BORCS5: variants seen among roughly 807,000 people sequenced by gnomAD.
BORCS5 encodes the protein BLOC-1-related complex subunit 5.
BORCS5 carries 17 observed loss-of-function variants against 22.1 expected under a neutral mutation model. That is an observed-to-expected ratio of 0.77 (90% CI 0.53 to 1.15). The LOEUF (loss-of-function observed/expected upper bound fraction) is 1.15. Among genes scored for constraint, BORCS5 ranks in the 50% most tolerant of loss-of-function variants. The pLI, the probability that BORCS5 is intolerant of heterozygous loss-of-function variation, is 0.00. For missense variants in BORCS5, 247 were observed against 253.2 expected (o/e 0.98, Z 0.17); for synonymous variants, 117 against 99.8 (o/e 1.17, Z -1.03).
chr12:12,404,915 G>C (rs557279430), intron 2 of BORCS5, among the ~76,000 whole-genome samples: 11 of 152,064 alleles, frequency 7.2e-5, no homozygotes, highest in Non-Finnish European at 1.5e-4. Context: ...TGGCCAGGCT[G>C]GTCTCAAACT....
chr12:12,365,971 A>C (rs942244073), intron 2 of BORCS5, among the ~76,000 whole-genome samples: 3 of 152,164 alleles, frequency 2.0e-5, no homozygotes, highest in African/African-American at 7.2e-5. Flanking sequence ...TTGGGTTTTG[A>C]GGTGCAGCAT....
In BORCS5 at chr12:12,430,276, G is replaced by A. The variant is rs113542768; in HGVS notation, c.203-5352G>A. On this transcript the variant is annotated intron_variant, in intron 2 of 3. Coordinates refer to ENST00000314565, the MANE Select transcript of BORCS5 (RefSeq NM_058169.6). ...CGCCATTCTCCTGCCTCAGCCTCCCGAGTAGCTGGGACTACAGGCGCCTGC... is the reference window on the plus strand; with the variant it reads ...CGCCATTCTCCTGCCTCAGCCTCCCAAGTAGCTGGGACTACAGGCGCCTGC... Among the ~76,000 whole-genome samples the A allele has an allele frequency of 8.1e-3, 1,208 of 149,702 alleles. 16 individuals are homozygous for A. Among genetic ancestry groups the A allele is most frequent in the African/African-American group, 0.027 (1,088 of 40,590 alleles).
chr12:12,365,066 T>G (rs1038702911), intron 2 of BORCS5, among the ~76,000 whole-genome samples: 1 of 152,258 alleles, frequency 6.6e-6, no homozygotes, highest in Non-Finnish European at 1.5e-5. Context: ...AAATGAGTTT[T>G]AACTGGGACT....
intron 2 of BORCS5, among the ~76,000 whole-genome samples, chr12:12,432,666 A>G (rs578191933): frequency 3.3e-5 from 5 of 152,350 alleles, no homozygotes; most frequent in African/African-American, 1.2e-4. Flanking sequence ...TCTGATACAT[A>G]TATACCATGG....
intron 2 of BORCS5, among the ~76,000 whole-genome samples, chr12:12,393,525 T>G (rs1304943046): frequency 6.6e-6 from 1 of 151,534 alleles, no homozygotes; most frequent in Admixed American, 6.6e-5. Context: ...AGTGTTTTTG[T>G]TTTTTGTTTT....
rs780351883 is a variant in BORCS5, at chr12:12,464,497, G to A, written c.361-1049G>A. 1.1e-4 allele frequency among the ~76,000 whole-genome samples: 17 copies of A among 152,278 alleles called. 1 individual carries two copies. The highest frequency in any genetic ancestry group is 3.1e-4 in the African/African-American group (13 of 41,544). The stretch of plus-strand genomic sequence containing the variant: ...TCCTGATGCAAGGTCGGGAAGGGGC[G>A]TGCTCCAGGAATAAACCAGAAGGAA... On this transcript the variant is annotated intron_variant, in intron 3 of 3. Transcript: ENST00000314565.
intron 3 of BORCS5, among the ~76,000 whole-genome samples, chr12:12,458,037 A>AT (rs1318720816): frequency 6.6e-6 from 1 of 152,102 alleles, no homozygotes; most frequent in African/African-American, 2.4e-5. Context: ...ACTGAACAGA[A>AT]TTTTTTTCTT....
chr12:12,456,353 C>A lies in BORCS5; in HGVS notation c.361-9193C>A, dbSNP rs572254974. On this transcript the variant is annotated intron_variant, in intron 3 of 3. Coordinates refer to ENST00000314565, the MANE Select transcript of BORCS5 (RefSeq NM_058169.6). Reference sequence around the variant, plus strand: ...AGCTGAGATGGGAGGATTGCTCGGACCCAGGAGTTCAAGGCTCCCGTGAGC... The same window carrying A: ...AGCTGAGATGGGAGGATTGCTCGGAACCAGGAGTTCAAGGCTCCCGTGAGC... 6.6e-5 allele frequency among the ~76,000 whole-genome samples: 10 copies of A among 152,290 alleles called. 1 individual carries two copies. In the South Asian group the frequency reaches 2.1e-3, roughly 32 times the overall value.
Position 12,367,496 on chromosome 12 carries a change from T to C in BORCS5, c.202+6147T>C, listed in dbSNP as rs146146500. ...ATTGATGACTTATTCCTGATTACTT[T>C]ATGGGTTTGTATTTGTAATAGCTCT... On this transcript the variant is annotated intron_variant, in intron 2 of 3. Transcript: ENST00000314565. Among the ~76,000 whole-genome samples, 9 of 152,366 alleles carry C rather than the reference T, an allele frequency of 5.9e-5. No homozygotes were observed. The East Asian group carries it at 9.6e-4, about 16-fold the overall frequency.
intron 1 of BORCS5, 51 bp from the exon 2 acceptor site, chr12:12,361,155 A>T: frequency 6.4e-7 from 1 of 1,561,136 alleles, no homozygotes; most frequent in Non-Finnish European, 8.8e-7. Flanking sequence ...TGCTTTGGTG[A>T]GGCAGAGATG....
At chr12:12,402,161 G>T (rs114564865) in intron 2 of BORCS5, among the ~76,000 whole-genome samples, 2,056 of 152,120 alleles carry the variant, frequency 0.014, 43 homozygotes, top group African/African-American at 0.046. Flanking sequence ...GGACATTTTG[G>T]GTATTAAAAT....
At chr12:12,424,839 A>G (rs1025159564) in intron 2 of BORCS5, among the ~76,000 whole-genome samples, 11 of 152,156 alleles carry the variant, frequency 7.2e-5, no homozygotes, top group Admixed American at 5.9e-4. Flanking sequence ...AATTTCCCCT[A>G]TATATGTGGT....
chr12:12,431,403 CTTTTTTTT>C (rs386375632), intron 2 of BORCS5, among the ~76,000 whole-genome samples: 1 of 121,098 alleles, frequency 8.3e-6, no homozygotes, highest in Non-Finnish European at 1.6e-5. Context: ...TTTGCTAATT[CTTTTTTTT>C]TTTTTTTTTT....
At chr12:12,428,020 GT>G (rs34884099) in intron 2 of BORCS5, among the ~76,000 whole-genome samples, 1,862 of 152,274 alleles carry the variant, frequency 0.012, 18 homozygotes, top group South Asian at 0.023. Flanking sequence ...AGAATCTGTT[GT>G]TTAATTATAC....
intron 2 of BORCS5, among the ~76,000 whole-genome samples, chr12:12,382,834 G>A (rs1863803728): frequency 6.6e-6 from 1 of 150,948 alleles, no homozygotes; most frequent in South Asian, 2.1e-4. Flanking sequence ...TGCCCAGTGG[G>A]TATGTATCTT....
intron 3 of BORCS5, among the ~76,000 whole-genome samples, chr12:12,453,478 C>T (rs1357348711): frequency 6.6e-6 from 1 of 152,182 alleles, no homozygotes; most frequent in Non-Finnish European, 1.5e-5. Flanking sequence ...TTTAGAGCCA[C>T]TTTCATAGTG....
chr12:12,443,861 C>G (rs1175330827), intron 3 of BORCS5, among the ~76,000 whole-genome samples: 1 of 152,198 alleles, frequency 6.6e-6, no homozygotes, highest in Non-Finnish European at 1.5e-5. Context: ...TTCTCCCTCC[C>G]CTGCTCATTT....
At chr12:12,390,960 G>C (rs1941162792) in intron 2 of BORCS5, among the ~76,000 whole-genome samples, 2 of 151,980 alleles carry the variant, frequency 1.3e-5, no homozygotes, top group African/African-American at 4.8e-5. Context: ...CAGAAGCTTA[G>C]AAATAGAAAA....
At chr12:12,372,436 C>G (rs911634295) in intron 2 of BORCS5, among the ~76,000 whole-genome samples, 2 of 152,314 alleles carry the variant, frequency 1.3e-5, no homozygotes, top group Middle Eastern at 6.8e-3. Context: ...CCTCAACCCC[C>G]CTGGGCTCAA....
Sources: gnomAD v4.1 joint callset for allele counts (sites outside exome capture counted in the v4.1 genomes callset) on GRCh38, gnomAD v4.1.1 for gene constraint, MANE v1.5 for transcripts, NCBI Gene and HGNC (gene_info 2026-07-23, HGNC 2026-07-21) for gene names.